The following RUSC2 variants were observed in gnomAD, a reference collection of about 807,000 sequenced individuals.
RUSC2 encodes the protein AP-4 complex accessory subunit RUSC2.
A neutral mutation model predicts 122.2 loss-of-function variants in RUSC2; 34 were observed. The ratio of observed to expected loss-of-function variants is 0.28; its 90% CI spans 0.21 to 0.37. RUSC2 has a LOEUF of 0.37. Ranked by LOEUF, RUSC2 falls within the 10% of genes least tolerant of loss-of-function variation. The pLI is 1.00. For missense variants in RUSC2, 1,747 were observed against 1,952.4 expected, an observed-to-expected ratio of 0.89 and a Z score of 1.98; for synonymous variants, 784 against 790.0, an observed-to-expected ratio of 0.99 and a Z score of 0.13.
chr9:35,553,672 A>G (rs1441449410), intron 2 of RUSC2, among the ~76,000 whole-genome samples: 1 of 152,208 alleles, frequency 6.6e-6, no homozygotes, highest in East Asian at 1.9e-4. Flanking sequence ...GGAGATGTTC[A>G]TGCATCTGGT....
Position 35,558,211 on chromosome 9 carries a change from C to A in RUSC2, c.3075C>A (p.Asn1025Lys). 6.2e-7 allele frequency: 1 copy of A among 1,613,500 alleles called. No individual in the cohort carries two copies. Among genetic ancestry groups the A allele is most frequent in the Non-Finnish European group, 8.5e-7 (1 of 1,179,944 alleles). Residue 1025 changes from asparagine (N) to lysine (K), a missense_variant, in exon 7 of 12, where the codon AAC (asparagine) becomes AAA (lysine). Asn to Lys is a moderately conservative substitution (Grantham distance 94, BLOSUM62 0). Transcript: ENST00000361226. This position sits in a 1 kb window ranked among gnomAD's most constrained non-coding sequence, Gnocchi z 4.3. ...CACACCTACAGGCAAAGCTGGGAAA[C>A]AGTTCTGTGAGCCCCAATGTGGGCC... ...RDPGVKAKLG[N>K]SSVSPNVGHL...
rs1822011825 is a variant in RUSC2, at chr9:35,556,101, C to G, written c.2806C>G (p.Leu936Val). Residue 936 changes from leucine to valine, a missense_variant, in exon 4 of 12, where the codon CTC becomes GTC. Transcript: ENST00000361226. ...RNPIFEFPGSLSAASHLNCRL... is the reference protein window; with the variant it reads ...RNPIFEFPGSVSAASHLNCRL... ...CCCTATCTTTGAGTTCCCTGGCTCC[C>G]TCAGTGCTGCCAGCCATCTGAACTG... is the stretch of plus-strand genomic sequence containing the variant. 5.6e-6 allele frequency: 9 copies of G among 1,614,228 alleles called. No homozygotes were observed. Among genetic ancestry groups the G allele is most frequent in the Non-Finnish European group, 7.6e-6 (9 of 1,180,034 alleles).
intron 1 of RUSC2, among the ~76,000 whole-genome samples, chr9:35,522,165 T>C (rs2132518474): frequency 6.6e-6 from 1 of 152,354 alleles, no homozygotes; most frequent in South Asian, 2.1e-4. Context: ...TCCAAATTCG[T>C]GTACAAAGTT....
chr9:35,530,858 C>T (rs1373661513), intron 1 of RUSC2, among the ~76,000 whole-genome samples: 2 of 151,792 alleles, frequency 1.3e-5, no homozygotes, highest in Non-Finnish European at 2.9e-5. Context: ...AGGCTGGTCT[C>T]GAAATCCTGA....
chr9:35,530,149 ACCATGTTGCCGAGG>A (rs1048747049), intron 1 of RUSC2, among the ~76,000 whole-genome samples: 1 of 152,050 alleles, frequency 6.6e-6, no homozygotes, highest in African/African-American at 2.4e-5. Context: ...ACGGGGTTTC[ACCATGTTGCCGAGG>A]CTGGTATCAA....
chr9:35,521,563 G>T (rs1821215367), intron 1 of RUSC2, among the ~76,000 whole-genome samples: 1 of 152,190 alleles, frequency 6.6e-6, no homozygotes, highest in Admixed American at 6.5e-5. Flanking sequence ...TACCTTTTAG[G>T]CTGCTAAGCC....
At chr9:35,496,914 T>C (rs779451059) in intron 1 of RUSC2, among the ~76,000 whole-genome samples, 2 of 152,202 alleles carry the variant, frequency 1.3e-5, no homozygotes, top group Non-Finnish European at 2.9e-5. Flanking sequence ...GTTAAAATTG[T>C]CTTTATTGCT....
intron 1 of RUSC2, among the ~76,000 whole-genome samples, chr9:35,518,200 A>G (rs1587844828): frequency 6.6e-6 from 1 of 152,236 alleles, no homozygotes; most frequent in South Asian, 2.1e-4. Flanking sequence ...TGAGTCCCTC[A>G]CCAGCCTGTC....
At position 35,556,086 on chromosome 9, in the gene RUSC2, G is replaced by A; in HGVS notation, c.2791G>A (p.Glu931Lys). Reference sequence around the variant, plus strand: ...GCTGGCCCGAAGAAACCCTATCTTTGAGTTCCCTGGCTCCCTCAGTGCTGC... The same window carrying A: ...GCTGGCCCGAAGAAACCCTATCTTTAAGTTCCCTGGCTCCCTCAGTGCTGC... ...ARLARRNPIFEFPGSLSAASH... is the reference protein window; with the variant it reads ...ARLARRNPIFKFPGSLSAASH... Residue 931 changes from glutamate to lysine, a missense_variant, in exon 4 of 12, where the codon GAG becomes AAG. Glu to Lys is a moderately conservative substitution (Grantham distance 56, BLOSUM62 1). Coordinates refer to ENST00000361226, the MANE Select transcript of RUSC2 (RefSeq NM_014806.5). The A allele has an allele frequency of 6.2e-7, 1 of 1,614,198 alleles. No individual in the cohort carries two copies. The highest frequency in any genetic ancestry group is 8.5e-7 in the Non-Finnish European group (1 of 1,180,028).
intron 1 of RUSC2, among the ~76,000 whole-genome samples, chr9:35,534,163 A>C (rs1182534604): frequency 1.3e-5 from 2 of 152,198 alleles, no homozygotes; most frequent in Non-Finnish European, 2.9e-5. Flanking sequence ...TAGTGGGGTC[A>C]AGTAGTATCT....
chr9:35,499,278 C>A (rs1564242423), intron 1 of RUSC2, among the ~76,000 whole-genome samples: 1 of 151,852 alleles, frequency 6.6e-6, no homozygotes, highest in Non-Finnish European at 1.5e-5. Flanking sequence ...CAGAGTGAAA[C>A]TCTCAAAAAC....
rs368562465 is a variant in RUSC2, at chr9:35,535,696, G to A, written c.-92-10734G>A. On this transcript the variant is annotated intron_variant, in intron 1 of 11. Transcript: ENST00000361226. The stretch of plus-strand genomic sequence containing the variant: ...TGGGACTCCAGGCGTCCACCACCAC[G>A]CCCGGCTAATTTTTTTTGTATTTTT... 2.6e-5 allele frequency among the ~76,000 whole-genome samples: 4 copies of A among 151,516 alleles called. No homozygotes were observed. The South Asian group carries it at 6.3e-4, about 24-fold the overall frequency.
chr9:35,520,818 T>G (rs1278612482), intron 1 of RUSC2, among the ~76,000 whole-genome samples: 3 of 152,142 alleles, frequency 2.0e-5, no homozygotes, highest in Admixed American at 6.5e-5. Flanking sequence ...CTGTCTCTGG[T>G]CTTGGTGGCT....
At chr9:35,504,038 G>A (rs943644697) in intron 1 of RUSC2, among the ~76,000 whole-genome samples, 1 of 152,188 alleles carries the variant, frequency 6.6e-6, no homozygotes, top group African/African-American at 2.4e-5. Flanking sequence ...GCCTGCCAAA[G>A]TGTTAGGTTT....
At chr9:35,518,208 G>A (rs958878990) in intron 1 of RUSC2, among the ~76,000 whole-genome samples, 1 of 152,224 alleles carries the variant, frequency 6.6e-6, no homozygotes, top group African/African-American at 2.4e-5. Flanking sequence ...TCACCAGCCT[G>A]TCTTCTTGCC....
intron 1 of RUSC2, among the ~76,000 whole-genome samples, chr9:35,532,214 A>T (rs1012117614): frequency 6.6e-6 from 1 of 152,160 alleles, no homozygotes; most frequent in African/African-American, 2.4e-5. Flanking sequence ...GTTGAATTTG[A>T]GGTAATAATA....
chr9:35,559,155 C>A lies in RUSC2; in HGVS notation c.3342-71C>A, dbSNP rs377160553. ...GTTCACCTATTCTTCCTGTGCCTGA[C>A]CCCCTGGATCTGTCTCCTTATCTGG... On this transcript the variant is annotated intron_variant, in intron 8 of 11. Transcript: ENST00000361226. 5 of 1,229,638 alleles carry A rather than the reference C, an allele frequency of 4.1e-6. No individual in the cohort carries two copies. The African/African-American group carries it at 5.9e-5, about 15-fold the overall frequency. The allele number at this position is 1,229,638 out of a possible 1,614,324, so 76.2% of individuals were successfully genotyped here.
chr9:35,560,387 G>C lies in RUSC2; in HGVS notation c.3747G>C (p.Glu1249Asp), dbSNP rs893803489. The C allele has an allele frequency of 2.5e-6, 4 of 1,613,890 alleles. No individual in the cohort carries two copies. Among genetic ancestry groups the C allele is most frequent in the Non-Finnish European group, 3.4e-6 (4 of 1,179,978 alleles). ...AAGAGGAAGAAGAGGAGACAGAAGA[G>C]GTGGCAGAGGCAGCCGGGGGCTCAG... ...EEEEEEEETE[E>D]VAEAAGGSGR... Residue 1249 changes from glutamate (E) to aspartate (D), a missense_variant, in exon 10 of 12, where the codon GAG becomes GAC. Physicochemically the swap from Glu to Asp is conservative, Grantham distance 45 (BLOSUM62 2). Coordinates refer to ENST00000361226, the MANE Select transcript of RUSC2 (RefSeq NM_014806.5).
chr9:35,516,499 A>G (rs1160399162), intron 1 of RUSC2, among the ~76,000 whole-genome samples: 1 of 152,210 alleles, frequency 6.6e-6, no homozygotes, highest in Non-Finnish European at 1.5e-5. Context: ...ACAGAAAGAT[A>G]AAGATGGTTT....
Sources: gnomAD v4.1 joint callset for allele counts (sites outside exome capture counted in the v4.1 genomes callset) on GRCh38, gnomAD v4.1.1 for gene constraint, Gnocchi (gnomAD v3.1) non-coding constraint, MANE v1.5 for transcripts, NCBI Gene and HGNC (gene_info 2026-07-23, HGNC 2026-07-21) for gene names.